Variants in MPPED2 observed in about 807,000 individuals in gnomAD.
MPPED2 encodes metallophosphoesterase domain containing 2.
Under a neutral mutation model 33.0 loss-of-function variants are expected in MPPED2, and 5 were observed. That is an observed-to-expected ratio of 0.15 (90% CI 0.08 to 0.32). The LOEUF (loss-of-function observed/expected upper bound fraction) is 0.32, where lower values mean the gene tolerates loss of function less well. Ranked by LOEUF, MPPED2 falls within the 10% of genes least tolerant of loss-of-function variation. MPPED2 has a pLI of 1.00. For synonymous variants in MPPED2, 136 were observed against 141.9 expected (o/e 0.96, Z 0.29); for missense variants, 275 against 372.1 (o/e 0.74, Z 2.15).
intron 3 of MPPED2, among the ~76,000 whole-genome samples, chr11:30,534,595 T>TA (rs1954710473): frequency 1.3e-5 from 2 of 152,178 alleles, no homozygotes. Flanking sequence ...AAGACCATGA[T>TA]AAAACTAGTA....
chr11:30,553,821 G>C (rs1341315336), intron 2 of MPPED2, among the ~76,000 whole-genome samples: 4 of 152,174 alleles, frequency 2.6e-5, no homozygotes, highest in Non-Finnish European at 4.4e-5. Flanking sequence ...CTGGCACAGA[G>C]AGTGTAAGGA....
chr11:30,432,767 A>C (rs574190836), intron 4 of MPPED2, among the ~76,000 whole-genome samples: 1 of 152,240 alleles, frequency 6.6e-6, no homozygotes, highest in African/African-American at 2.4e-5. Context: ...CTCACAAATC[A>C]ACAGCATTAC....
In MPPED2 at chr11:30,414,228, C is replaced by T; in HGVS notation, c.766G>A (p.Gly256Ser). Residue 256 changes from glycine (G) to serine (S), a missense_variant and splice_region_variant, in exon 6 of 7, where the codon GGT (glycine) becomes AGT (serine). Coordinates refer to ENST00000358117, the MANE Select transcript of MPPED2 (RefSeq NM_001584.3). ...KLHVFGGIHE[G>S]YGIMTDGYTT... is the part of the protein sequence containing the mutation. ...TTGAATTCTTTTCCGCTGTTCTTAC[C>T]TTCATGGATTCCACCAAACACATGG... 6.2e-7 allele frequency: 1 copy of T among 1,608,838 alleles called. No homozygotes were observed. Among genetic ancestry groups the T allele is most frequent in the East Asian group, 2.2e-5 (1 of 44,868 alleles).
At chr11:30,399,799 A>T (rs1276132030) in intron 6 of MPPED2, among the ~76,000 whole-genome samples, 1 of 152,212 alleles carries the variant, frequency 6.6e-6, no homozygotes, top group Non-Finnish European at 1.5e-5. Flanking sequence ...TAGATAAAAC[A>T]TATTGGGAGA....
intron 4 of MPPED2, among the ~76,000 whole-genome samples, chr11:30,492,282 T>C (rs904458120): frequency 6.6e-6 from 1 of 152,120 alleles, no homozygotes; most frequent in Non-Finnish European, 1.5e-5. Flanking sequence ...AGCTACAATC[T>C]AGTTTAGCTG....
intron 5 of MPPED2, 114 bp from the exon 6 acceptor site, chr11:30,414,455 G>C: frequency 1.6e-6 from 1 of 644,886 alleles, no homozygotes; most frequent in Non-Finnish European, 2.8e-6. Flanking sequence ...TGTAATCCTA[G>C]CCTCTCCATT....
At chr11:30,497,044 A>C (rs757732669) in intron 3 of MPPED2, among the ~76,000 whole-genome samples, 10 of 152,220 alleles carry the variant, frequency 6.6e-5, no homozygotes, top group Non-Finnish European at 1.3e-4. Context: ...GCCAAGCAGC[A>C]ATGGATATCT....
chr11:30,526,763 A>T (rs1252966586), intron 3 of MPPED2, among the ~76,000 whole-genome samples: 1 of 151,922 alleles, frequency 6.6e-6, no homozygotes, highest in Non-Finnish European at 1.5e-5. Flanking sequence ...TTAGGTAATC[A>T]TAAACTTGCA....
intron 3 of MPPED2, among the ~76,000 whole-genome samples, chr11:30,530,351 A>G (rs1358838428): frequency 2.0e-5 from 3 of 152,186 alleles, no homozygotes; most frequent in Non-Finnish European, 4.4e-5. Context: ...GATTCAACAA[A>G]CATTTGTGTA....
chr11:30,395,086 A>G (rs1446906452), intron 6 of MPPED2, among the ~76,000 whole-genome samples: 3 of 152,200 alleles, frequency 2.0e-5, no homozygotes, highest in Non-Finnish European at 4.4e-5. Flanking sequence ...GTACCATAGT[A>G]TCTTGATTAA....
At chr11:30,543,577 G>A (rs986448463) in intron 2 of MPPED2, among the ~76,000 whole-genome samples, 5 of 152,114 alleles carry the variant, frequency 3.3e-5, no homozygotes, top group African/African-American at 1.2e-4. Flanking sequence ...CCCAGACAAT[G>A]CAAAGATAAA....
At chr11:30,431,237 G>T (rs1372036729) in intron 4 of MPPED2, among the ~76,000 whole-genome samples, 1 of 152,162 alleles carries the variant, frequency 6.6e-6, no homozygotes, top group Non-Finnish European at 1.5e-5. Context: ...TCTACATTGA[G>T]CCTCTGGCAC....
chr11:30,570,448 C>T (rs1214007619), intron 2 of MPPED2, among the ~76,000 whole-genome samples: 2 of 151,874 alleles, frequency 1.3e-5, no homozygotes, highest in Non-Finnish European at 2.9e-5. Flanking sequence ...ACATAAAAGT[C>T]GTATCATTCT....
chr11:30,415,421 C>A (rs536206264), intron 5 of MPPED2, among the ~76,000 whole-genome samples: 1 of 152,160 alleles, frequency 6.6e-6, no homozygotes, highest in East Asian at 1.9e-4. Context: ...GGAAAATATT[C>A]CATTTCATAT....
At chr11:30,427,643 A>C (rs1948897677) in intron 4 of MPPED2, among the ~76,000 whole-genome samples, 1 of 71,848 alleles carries the variant, frequency 1.4e-5, no homozygotes, top group African/African-American at 3.2e-5. Context: ...GTTCATGAGA[A>C]AATTCCTTGA....
rs976258306 is a variant in MPPED2, at chr11:30,410,826, GAAAC to G, written c.*638_*641del. The G allele has an allele frequency of 2.0e-5, 20 of 985,526 alleles. No individual in the cohort carries two copies. Among genetic ancestry groups the G allele is most frequent in the East Asian group, 2.3e-4 (2 of 8,818 alleles). The allele number at this position is 985,526 out of a possible 1,614,324, so 61.0% of individuals were successfully genotyped here. ...TTTTTAAAGCTGAAATAATTTAAAAGAAACAAACAAACAATGAGACCTTGTATAA... is the reference window on the plus strand; with the variant it reads ...TTTTTAAAGCTGAAATAATTTAAAAGAAACAAACAATGAGACCTTGTATAA... On this transcript the variant is annotated 3_prime_UTR_variant, in exon 7 of 7. Transcript: ENST00000358117.
intron 3 of MPPED2, among the ~76,000 whole-genome samples, chr11:30,530,719 C>T (rs938140681): frequency 6.6e-6 from 1 of 152,150 alleles, no homozygotes; most frequent in Non-Finnish European, 1.5e-5. Flanking sequence ...TCTTCTAATG[C>T]CTATTTGTGT....
chr11:30,457,979 C>A (rs1341471622), intron 4 of MPPED2, among the ~76,000 whole-genome samples: 1 of 152,146 alleles, frequency 6.6e-6, no homozygotes, highest in Non-Finnish European at 1.5e-5. Context: ...TCGGGCAGGG[C>A]TGGAATGTAA....
At chr11:30,539,815 G>T (rs1443876547) in intron 2 of MPPED2, among the ~76,000 whole-genome samples, 1 of 152,010 alleles carries the variant, frequency 6.6e-6, no homozygotes, top group Non-Finnish European at 1.5e-5. Context: ...AGTAGTACAG[G>T]TGAGGTCTTG....
Sources: gnomAD v4.1 joint callset for allele counts (sites outside exome capture counted in the v4.1 genomes callset) on GRCh38, gnomAD v4.1.1 for gene constraint, MANE v1.5 for transcripts, NCBI Gene and HGNC (gene_info 2026-07-23, HGNC 2026-07-21) for gene names.